SLC35F5: variants seen among roughly 807,000 people sequenced by gnomAD.
The protein encoded by SLC35F5 is HCV NS5A-transactivated protein 3.
In SLC35F5, 54 loss-of-function variants were observed where a neutral mutation model predicts 68.6. The ratio of observed to expected loss-of-function variants is 0.79; its 90% confidence interval spans 0.63 to 0.99. The LOEUF (loss-of-function observed/expected upper bound fraction) is 0.99. Among genes scored for constraint, SLC35F5 ranks in the 50% least tolerant of loss-of-function variants. SLC35F5 has a pLI of 0.00. For synonymous variants in SLC35F5, 211 were observed against 205.2 expected, an observed-to-expected ratio of 1.03 and a Z score of -0.24; for missense variants, 567 against 626.9, an observed-to-expected ratio of 0.90 and a Z score of 1.02.
chr2:113,717,887 T>C (rs774397764), intron 14 of SLC35F5, 37 bp from the exon 15 acceptor site: 1 of 1,499,804 alleles, frequency 6.7e-7, no homozygotes, highest in Admixed American at 1.8e-5. Context: ...AGGAAAGCTT[T>C]AGAGCTGAAA....
At position 113,710,319 on chromosome 2, in the gene SLC35F5, G is replaced by T. The variant is rs1026158823; in HGVS notation, c.*4899C>A. 6.6e-6 allele frequency among the ~76,000 whole-genome samples: 1 copy of T among 152,176 alleles called. No homozygotes were observed. The highest frequency in any genetic ancestry group is 2.4e-5 in the African/African-American group (1 of 41,444). On this transcript the variant is annotated 3_prime_UTR_variant, in exon 16 of 16. Coordinates refer to ENST00000245680, the MANE Select transcript of SLC35F5 (RefSeq NM_025181.5). ...TTTTAGAATAATTAAGACAAGGATA[G>T]GCTTCAATGAAATTTTGCTTTGATG...
At chr2:113,729,551 C>A in intron 10 of SLC35F5, 46 bp from the exon 11 acceptor site, 1 of 980,890 alleles carries the variant, frequency 1.0e-6, no homozygotes, top group South Asian at 1.4e-5. Context: ...TTAGCTCATT[C>A]AATATACGCT....
At chr2:113,724,124 T>C (rs568004516) in intron 12 of SLC35F5, among the ~76,000 whole-genome samples, 17 of 152,300 alleles carry the variant, frequency 1.1e-4, no homozygotes, top group African/African-American at 3.8e-4. Context: ...CGAGTCCTTA[T>C]TGATGAGGTA....
downstream of SLC35F5, among the ~76,000 whole-genome samples, chr2:113,704,708 C>G (rs1320120824): frequency 6.6e-6 from 1 of 151,982 alleles, no homozygotes; most frequent in Non-Finnish European, 1.5e-5. Context: ...AGTGCGGGGC[C>G]CGCCGAGCCC....
chr2:113,755,543 C>T lies in SLC35F5; in HGVS notation c.42G>A (p.Gly14=), dbSNP rs749872245. The T allele has an allele frequency of 3.4e-5, 55 of 1,613,050 alleles. No individual in the cohort carries two copies. In the South Asian group the frequency reaches 5.4e-4, roughly 16 times the overall value. The change falls in exon 2 of 16, where the codon GGG becomes GGA. Residue 14 remains glycine, a splice_region_variant and synonymous_variant. Coordinates refer to ENST00000245680, the MANE Select transcript of SLC35F5 (RefSeq NM_025181.5). ...PRRHRGAGRP[G]VLSSSPPFRL... is the part of the protein sequence containing the mutation. ...TAAAAGGAGGTGAAGAACTCAGCAC[C>T]CCTAAAAACAACCATGAAATTATGC...
Position 113,756,557 on chromosome 2 carries a change from C to T in SLC35F5, c.-148G>A. ...CTCAGGGAGAGGCTCCCGACACCAC[C>T]CAACTCCACTCGGCCCAGGAGGGCG... On this transcript the variant is annotated 5_prime_UTR_variant, in exon 1 of 16. Transcript: ENST00000245680. 1.0e-5 allele frequency: 15 copies of T among 1,466,506 alleles called. No individual in the cohort carries two copies. Among genetic ancestry groups the T allele is most frequent in the Non-Finnish European group, 1.3e-5 (14 of 1,112,552 alleles). 90.8% of individuals were successfully genotyped at this position (1,466,506 alleles called of 1,614,324 possible).
chr2:113,717,732 A>G, intron 15 of SLC35F5, 21 bp downstream of exon 15: 1 of 1,491,150 alleles, frequency 6.7e-7, no homozygotes, highest in Non-Finnish European at 9.2e-7. Context: ...ATTCAATACT[A>G]AACCCAGCTC....
intron 6 of SLC35F5, 82 bp from the exon 7 acceptor site, chr2:113,742,961 T>C (rs1031789853): frequency 7.7e-7 from 1 of 1,306,522 alleles, no homozygotes; most frequent in Non-Finnish European, 1.1e-6. Flanking sequence ...CTGATAAATG[T>C]ATAAGTTCAT....
intron 14 of SLC35F5, among the ~76,000 whole-genome samples, chr2:113,718,923 A>G (rs958263194): frequency 6.2e-5 from 3 of 48,488 alleles, no homozygotes; most frequent in African/African-American, 1.2e-4. Context: ...GAAAGAAAGA[A>G]AGAAAAAGAA....
At chr2:113,751,313 G>A (rs1420203826) in intron 3 of SLC35F5, among the ~76,000 whole-genome samples, 1 of 152,150 alleles carries the variant, frequency 6.6e-6, no homozygotes. Context: ...AAATTTCAAG[G>A]TTATGGACGT....
At chr2:113,731,821 T>C (rs994018725) in intron 9 of SLC35F5, among the ~76,000 whole-genome samples, 173 bp from the exon 10 acceptor site, 1 of 152,214 alleles carries the variant, frequency 6.6e-6, no homozygotes, top group African/African-American at 2.4e-5. Flanking sequence ...AATATAGTGT[T>C]ATATTTGTAT....
At position 113,742,810 on chromosome 2, in the gene SLC35F5, A is replaced by C. The variant is rs1381396180; in HGVS notation, c.632T>G (p.Leu211Trp). The change falls in exon 7 of 16, where the codon TTG (leucine) becomes TGG (tryptophan). Residue 211 changes from leucine to tryptophan, a missense_variant. Leu to Trp is a moderately conservative substitution (Grantham distance 61, BLOSUM62 -2). Coordinates refer to ENST00000245680, the MANE Select transcript of SLC35F5 (RefSeq NM_025181.5). ...TGACATGCGAGACAACTTTGCTTCC[A>C]ATGCATGACTTGACGGAAGCTGTCG... ...EIRQLPSSHA[L>W]EAKLSRMSYP... 1 of 1,614,026 alleles carries C rather than the reference A, an allele frequency of 6.2e-7. No homozygotes were observed. Among genetic ancestry groups the C allele is most frequent in the Non-Finnish European group, 8.5e-7 (1 of 1,180,004 alleles).
rs1201601986 is a variant in SLC35F5, at chr2:113,709,652, G to A, written c.*5566C>T. On this transcript the variant is annotated 3_prime_UTR_variant, in exon 16 of 16. Coordinates refer to ENST00000245680, the MANE Select transcript of SLC35F5 (RefSeq NM_025181.5). ...CAGAAGGAATCCAACGTCAGAGTTAGTGCTCTTCTCAGAGTAATAATCTGC... is the reference window on the plus strand; with the variant it reads ...CAGAAGGAATCCAACGTCAGAGTTAATGCTCTTCTCAGAGTAATAATCTGC... 6.6e-6 allele frequency among the ~76,000 whole-genome samples: 1 copy of A among 152,222 alleles called. No homozygotes were observed. The highest frequency in any genetic ancestry group is 1.9e-4 in the East Asian group (1 of 5,204).
chr2:113,756,080 C>T (rs1676973117), intron 1 of SLC35F5: 2 of 1,453,334 alleles, frequency 1.4e-6, no homozygotes, highest in Non-Finnish European at 1.8e-6. Flanking sequence ...TTAAAAGAAA[C>T]AGCTGGGAAA....
At chr2:113,735,754 A>G in intron 8 of SLC35F5, 23 bp downstream of exon 8, 1 of 1,518,750 alleles carries the variant, frequency 6.6e-7, no homozygotes, top group Non-Finnish European at 9.1e-7. Context: ...TATAATGCAG[A>G]TTTTTAAAGA....
At position 113,711,320 on chromosome 2, in the gene SLC35F5, A is replaced by T. The variant is rs1686974196; in HGVS notation, c.*3898T>A. On this transcript the variant is annotated 3_prime_UTR_variant, in exon 16 of 16. Transcript: ENST00000245680. The stretch of plus-strand genomic sequence containing the variant: ...AATGATTTCATTGTTTGACATTTTC[A>T]TAGTTAACGTATACTGAATACAGAA... Among the ~76,000 whole-genome samples the T allele has an allele frequency of 6.6e-6, 1 of 152,182 alleles. No individual in the cohort carries two copies. Among genetic ancestry groups the T allele is most frequent in the Non-Finnish European group, 1.5e-5 (1 of 68,030 alleles).
chr2:113,723,887 G>C (rs1460490326), intron 12 of SLC35F5, among the ~76,000 whole-genome samples: 1 of 152,116 alleles, frequency 6.6e-6, no homozygotes, highest in Admixed American at 6.5e-5. Context: ...ACCCAATGGA[G>C]ACAGATGAGC....
intron 7 of SLC35F5, 125 bp downstream of exon 7, chr2:113,742,567 C>T: frequency 1.1e-6 from 1 of 904,326 alleles, no homozygotes; most frequent in Non-Finnish European, 1.7e-6. Context: ...TATCAAATAG[C>T]AGAGTTTAAA....
Position 113,756,641 on chromosome 2 carries a change from C to A in SLC35F5, c.-232G>T. On this transcript the variant is annotated 5_prime_UTR_variant, in exon 1 of 16. Transcript: ENST00000245680. ...GCTATGGCCGCGGAGGCCCGGAGAT[C>A]TGCTCTGGCCCCGGCCCCGCCCCCG... 3 of 1,188,164 alleles carry A rather than the reference C, an allele frequency of 2.5e-6. No individual in the cohort carries two copies. Among genetic ancestry groups the A allele is most frequent in the South Asian group, 1.7e-5 (1 of 57,476 alleles). 73.6% of individuals were successfully genotyped at this position (1,188,164 alleles called of 1,614,324 possible).
Sources: allele counts gnomAD v4.1 joint callset (sites outside exome capture counted in the v4.1 genomes callset), GRCh38; gene constraint gnomAD v4.1.1; transcripts MANE v1.5; gene names NCBI Gene and HGNC (gene_info 2026-07-23, HGNC 2026-07-21).